Variants in AFM observed in about 807,000 individuals in gnomAD.
The protein encoded by AFM is alpha-Alb.
A neutral mutation model predicts 68.7 loss-of-function variants in AFM; 82 were observed. The observed-to-expected ratio is 1.19, with a 90% CI of 1.00 to 1.43. The LOEUF is 1.43. Ranked by LOEUF, AFM falls within the 40% of genes most tolerant of loss-of-function variation. The probability of loss-of-function intolerance (pLI) is 0.00; values close to 1 mark genes in which losing one functional copy is unlikely to be tolerated. For missense variants in AFM, 772 were observed against 701.8 expected, an observed-to-expected ratio of 1.10 and a Z score of -1.13; for synonymous variants, 250 against 234.2, an observed-to-expected ratio of 1.07 and a Z score of -0.61.
At chr4:73,502,943 G>C (rs542268182) in intron 13 of AFM, 107 bp from the exon 14 acceptor site, 6 of 1,048,182 alleles carry the variant, frequency 5.7e-6, no homozygotes, top group Non-Finnish European at 8.8e-6. Flanking sequence ...TACAACGTGG[G>C]AATGATTTAA....
At chr4:73,502,477 G>A (rs1318821780) in intron 13 of AFM, among the ~76,000 whole-genome samples, 1 of 152,084 alleles carries the variant, frequency 6.6e-6, no homozygotes, top group Non-Finnish European at 1.5e-5. Context: ...GCTTGCCCTC[G>A]CTCCAGTGAA....
At chr4:73,497,600 A>G in intron 9 of AFM, 52 bp from the exon 10 acceptor site, 2 of 1,239,536 alleles carry the variant, frequency 1.6e-6, no homozygotes, top group Admixed American at 3.9e-5. Flanking sequence ...TGTAAAGCTT[A>G]TGGTTAAATT....
intron 12 of AFM, among the ~76,000 whole-genome samples, chr4:73,501,545 C>T (rs1395325638): frequency 6.6e-6 from 1 of 152,056 alleles, no homozygotes; most frequent in African/African-American, 2.4e-5. Context: ...CTCTCTTCCT[C>T]CTTGTTAATA....
intron 9 of AFM, among the ~76,000 whole-genome samples, chr4:73,496,787 T>A (rs34468776): frequency 0.61 from 92,776 of 152,012 alleles, 29,761 homozygotes; most frequent in Non-Finnish European, 0.72. Context: ...TTCATATAAA[T>A]TCATATGTAT....
At chr4:73,491,283 C>G (rs377092092) in intron 7 of AFM, among the ~76,000 whole-genome samples, 8 of 152,256 alleles carry the variant, frequency 5.3e-5, no homozygotes, top group African/African-American at 1.7e-4. Flanking sequence ...TATTTGCTAA[C>G]CTGAACAGCT....
intron 11 of AFM, 111 bp from the exon 12 acceptor site, chr4:73,499,893 A>C: frequency 1.2e-6 from 1 of 863,464 alleles, no homozygotes; most frequent in Non-Finnish European, 1.8e-6. Context: ...GTGTTTTATG[A>C]GTGAGGTTAA....
At chr4:73,490,046 T>A (rs1375984207) in intron 7 of AFM, among the ~76,000 whole-genome samples, 1 of 151,756 alleles carries the variant, frequency 6.6e-6, no homozygotes, top group Non-Finnish European at 1.5e-5. Context: ...AATAACTGAG[T>A]ATGATAGGTT....
intron 2 of AFM, 32 bp from the exon 3 acceptor site, chr4:73,484,226 G>A: frequency 6.3e-7 from 1 of 1,582,482 alleles, no homozygotes; most frequent in Non-Finnish European, 8.5e-7. Flanking sequence ...CTCTGCAACT[G>A]ATCTTTGTAT....
intron 14 of AFM, 35 bp downstream of exon 14, chr4:73,503,145 A>G: frequency 1.3e-6 from 2 of 1,493,578 alleles, no homozygotes; most frequent in South Asian, 1.1e-5. Flanking sequence ...TGTCAAATGT[A>G]TTTGTGGCTT....
intron 9 of AFM, among the ~76,000 whole-genome samples, chr4:73,497,263 C>T (rs1577979901): frequency 1.3e-5 from 2 of 152,280 alleles, no homozygotes; most frequent in South Asian, 2.1e-4. Flanking sequence ...CTGGGGTATT[C>T]TGGGTAAGTC....
Position 73,487,001 on chromosome 4 carries a change from G to T in AFM, c.517G>T (p.Val173Phe). Residue 173 changes from valine (V) to phenylalanine (F), a missense_variant, in exon 5 of 15, where the codon GTC becomes TTC. Val to Phe is a conservative substitution (Grantham distance 50). Transcript: ENST00000226355. ...LYEVARRNPF[V>F]FAPTLLTVAV... ...TGAAGTTGCCAGAAGGAACCCATTT[G>T]TCTTCGCCCCTACACTTCTAACTGT... 1 of 1,613,274 alleles carries T rather than the reference G, an allele frequency of 6.2e-7. No homozygotes were observed. The highest frequency in any genetic ancestry group is 8.5e-7 in the Non-Finnish European group (1 of 1,179,704).
intron 1 of AFM, among the ~76,000 whole-genome samples, chr4:73,482,995 C>A (rs1394940754): frequency 1.3e-5 from 2 of 152,168 alleles, no homozygotes; most frequent in Non-Finnish European, 2.9e-5. Flanking sequence ...AATCTGGGCC[C>A]AGGTTCTTTC....
chr4:73,484,460 T>C (rs1332494886), intron 3 of AFM, 70 bp downstream of exon 3: 3 of 480,112 alleles, frequency 6.2e-6, no homozygotes, highest in East Asian at 3.6e-5. Flanking sequence ...CTTTCTTTCT[T>C]TCTTTCTTTC....
At chr4:73,488,607 T>C (rs1720979402) in intron 6 of AFM, 23 bp from the exon 7 acceptor site, 2 of 1,593,594 alleles carry the variant, frequency 1.3e-6, no homozygotes, top group African/African-American at 1.4e-5. Flanking sequence ...ATTATTTTTG[T>C]GGTTTATCAA....
In AFM at chr4:73,481,812, T is replaced by G. The variant is rs746609442; in HGVS notation, c.37T>G (p.Leu13Val). Residue 13 changes from leucine to valine, a missense_variant, in exon 1 of 15, where the codon TTG becomes GTG. By Grantham distance (32) the Leu-to-Val change is conservative (BLOSUM62 1). Transcript: ENST00000226355. ...LLKLTGFIFF[L>V]FFLTESLTLP... ...AAAACTTACAGGTTTTATTTTTTTC[T>G]TGTTTTTTTTGACTGAATCCCTAAC... 3.7e-6 allele frequency: 6 copies of G among 1,607,818 alleles called. No individual in the cohort carries two copies. The highest frequency in any genetic ancestry group is 5.1e-6 in the Non-Finnish European group (6 of 1,177,274).
intron 9 of AFM, 87 bp from the exon 10 acceptor site, chr4:73,497,565 T>A: frequency 1.3e-6 from 1 of 760,934 alleles, no homozygotes; most frequent in Non-Finnish European, 1.9e-6. Flanking sequence ...ACCATAGAAA[T>A]AAGAAATGCT....
At chr4:73,486,456 A>C (rs1023598310) in intron 4 of AFM, among the ~76,000 whole-genome samples, 1 of 152,210 alleles carries the variant, frequency 6.6e-6, no homozygotes, top group Non-Finnish European at 1.5e-5. Context: ...TGTTTTTAAT[A>C]TAGTGCTGTC....
chr4:73,487,787 CT>C lies in AFM; in HGVS notation c.683del (p.Leu228Ter). The C allele has an allele frequency of 6.2e-7, 1 of 1,612,866 alleles. No homozygotes were observed. The highest frequency in any genetic ancestry group is 8.5e-7 in the Non-Finnish European group (1 of 1,179,160). ...SSYQKHVCGA[L>X]LKFGTKVVHF... ...TTATCAAAAACATGTCTGTGGGGCA[CT>C]TTTGAAATTTGGAACCAAAGTTGTA... On this transcript the variant is annotated frameshift_variant, in exon 6 of 15. Coordinates refer to ENST00000226355, the MANE Select transcript of AFM (RefSeq NM_001133.2). LOFTEE classifies it high-confidence loss of function.
intron 9 of AFM, 21 bp from the exon 10 acceptor site, chr4:73,497,631 C>T (rs1231186337): frequency 4.0e-6 from 6 of 1,485,402 alleles, no homozygotes; most frequent in Admixed American, 1.7e-5. Context: ...TGTTTGTAAC[C>T]ATGATTATTC....
Sources: allele counts gnomAD v4.1 joint callset (sites outside exome capture counted in the v4.1 genomes callset), GRCh38; gene constraint gnomAD v4.1.1; transcripts MANE v1.5; gene names NCBI Gene and HGNC (gene_info 2026-07-23, HGNC 2026-07-21).